ANKRD44: variants seen among roughly 807,000 people sequenced by gnomAD.
ANKRD44 encodes serine/threonine-protein phosphatase 6 regulatory ankyrin repeat subunit B.
In ANKRD44, 35 loss-of-function variants were observed where a neutral mutation model predicts 116.0. The ratio of observed to expected loss-of-function variants is 0.30; its 90% confidence interval spans 0.23 to 0.40. The LOEUF (loss-of-function observed/expected upper bound fraction) is 0.40, where lower values mean the gene tolerates loss of function less well. ANKRD44 is among the 10% of genes least tolerant of loss of function. The pLI is 1.00. For synonymous variants in ANKRD44, 435 were observed against 461.8 expected, an observed-to-expected ratio of 0.94 and a Z score of 0.74; for missense variants, 1,014 against 1,242.6, an observed-to-expected ratio of 0.82 and a Z score of 2.77.
chr2:197,054,455 T>C (rs1295201224), intron 16 of ANKRD44, among the ~76,000 whole-genome samples: 2 of 152,144 alleles, frequency 1.3e-5, no homozygotes, highest in East Asian at 1.9e-4. Flanking sequence ...GATGTCACAA[T>C]TGAAAGGAAA....
intron 21 of ANKRD44, among the ~76,000 whole-genome samples, chr2:196,969,056 A>G (rs1425672079): frequency 6.6e-6 from 1 of 152,200 alleles, no homozygotes; most frequent in Non-Finnish European, 1.5e-5. Context: ...TGAATCATTC[A>G]GGCACTGTGT....
intron 21 of ANKRD44, among the ~76,000 whole-genome samples, chr2:196,973,133 T>C (rs1235455566): frequency 6.6e-6 from 1 of 152,206 alleles, no homozygotes; most frequent in African/African-American, 2.4e-5. Context: ...CTGTTTTCAA[T>C]ATTTTGGGTG....
At chr2:197,109,462 G>C (rs1018858490) in intron 9 of ANKRD44, among the ~76,000 whole-genome samples, 5 of 152,198 alleles carry the variant, frequency 3.3e-5, no homozygotes. Context: ...AGCTTCACTG[G>C]AATGCATATA....
At chr2:197,172,513 A>T (rs1026750544) in intron 2 of ANKRD44, among the ~76,000 whole-genome samples, 3 of 152,142 alleles carry the variant, frequency 2.0e-5, no homozygotes, top group Admixed American at 6.5e-5. Flanking sequence ...TTCCTCTGTG[A>T]TCTTGGCTTA....
chr2:196,992,720 G>C (rs2075943879), intron 27 of ANKRD44: 1 of 152,570 alleles, frequency 6.6e-6, no homozygotes, highest in Non-Finnish European at 1.5e-5. Context: ...ACATGGGGCT[G>C]CAAAATCAAA....
intron 11 of ANKRD44, among the ~76,000 whole-genome samples, chr2:197,089,631 G>A (rs1394565237): frequency 3.3e-5 from 5 of 152,142 alleles, no homozygotes; most frequent in African/African-American, 1.2e-4. Context: ...AAACCTCAAA[G>A]ACTTTTCCTT....
chr2:197,286,749 C>A (rs990643836), intron 1 of ANKRD44, among the ~76,000 whole-genome samples: 2 of 151,650 alleles, frequency 1.3e-5, no homozygotes, highest in African/African-American at 4.9e-5. Flanking sequence ...TTCAAACTGT[C>A]GAAAAATATG....
At chr2:197,246,197 A>ATTTTATTTG (rs2082187150) in intron 1 of ANKRD44, among the ~76,000 whole-genome samples, 1 of 151,544 alleles carries the variant, frequency 6.6e-6, no homozygotes, top group Non-Finnish European at 1.5e-5. Flanking sequence ...TATTTTATTT[A>ATTTTATTTG]TTTATTTAGA....
intron 1 of ANKRD44, chr2:197,263,281 C>G (rs892950498): frequency 3.2e-6 from 2 of 618,976 alleles, no homozygotes. Context: ...TCCCTGGCCG[C>G]AGCTTGGAAA....
chr2:197,236,803 G>C (rs945132275), intron 1 of ANKRD44, among the ~76,000 whole-genome samples: 5 of 151,966 alleles, frequency 3.3e-5, no homozygotes, highest in African/African-American at 1.2e-4. Flanking sequence ...GAGAATCCCC[G>C]TGCCACTTCA....
chr2:196,970,269 C>T (rs2125857945), intron 21 of ANKRD44, among the ~76,000 whole-genome samples: 1 of 152,270 alleles, frequency 6.6e-6, no homozygotes, highest in South Asian at 2.1e-4. Flanking sequence ...ATGCTGAGTT[C>T]ACTGTTTCAG....
rs1260848539 is a variant in ANKRD44 at position 197,206,634 on chromosome 2, G to A, written c.28-19528C>T. The stretch of plus-strand genomic sequence containing the variant: ...GGAGGCAGAGGTAGGAGAATGGCTT[G>A]AACCTGGGAGGCAGAGATTGCAGTG... On this transcript the variant is annotated intron_variant, in intron 1 of 27. Coordinates refer to ENST00000282272, the MANE Select transcript of ANKRD44 (RefSeq NM_001195144.2). 2.6e-5 allele frequency among the ~76,000 whole-genome samples: 4 copies of A among 152,282 alleles called. No individual in the cohort carries two copies. The South Asian group carries it at 8.3e-4, about 32-fold the overall frequency.
At chr2:197,038,521 G>A (rs1467122591) in intron 16 of ANKRD44, among the ~76,000 whole-genome samples, 1 of 152,230 alleles carries the variant, frequency 6.6e-6, no homozygotes, top group African/African-American at 2.4e-5. Flanking sequence ...ATCATGAGGT[G>A]ACCCTTGGGT....
At chr2:197,101,046 G>T (rs2078281499) in intron 9 of ANKRD44, among the ~76,000 whole-genome samples, 1 of 152,032 alleles carries the variant, frequency 6.6e-6, no homozygotes, top group Non-Finnish European at 1.5e-5. Flanking sequence ...TTTTACCCAA[G>T]AAATTTAACA....
chr2:197,088,296 G>C (rs1400783671), intron 12 of ANKRD44, among the ~76,000 whole-genome samples: 2 of 152,008 alleles, frequency 1.3e-5, no homozygotes, highest in Admixed American at 1.3e-4. Flanking sequence ...TTTGAAACAA[G>C]GACAAAAATG....
intron 1 of ANKRD44, chr2:197,302,486 A>G (rs1168285115): frequency 6.6e-6 from 1 of 152,260 alleles, no homozygotes; most frequent in Non-Finnish European, 1.5e-5. Context: ...AATGATTTAA[A>G]GAAATATGAA....
Position 197,158,281 on chromosome 2 carries a change from T to C in ANKRD44, c.112-11176A>G, listed in dbSNP as rs538144476. Reference sequence around the variant, plus strand: ...ATATTAAGAAGGAGTGTCTTTAAACTTAACGCATTTGTTGAAAAGTTTTCC... The same window carrying C: ...ATATTAAGAAGGAGTGTCTTTAAACCTAACGCATTTGTTGAAAAGTTTTCC... On this transcript the variant is annotated intron_variant, in intron 2 of 27. Transcript: ENST00000282272. Among the ~76,000 whole-genome samples, 8 of 152,318 alleles carry C rather than the reference T, an allele frequency of 5.3e-5. No homozygotes were observed. The East Asian group carries it at 1.5e-3, about 29-fold the overall frequency.
chr2:197,287,241 T>C (rs1331287924), intron 1 of ANKRD44, among the ~76,000 whole-genome samples: 1 of 152,142 alleles, frequency 6.6e-6, no homozygotes, highest in African/African-American at 2.4e-5. Flanking sequence ...AACATAAAAT[T>C]GCCCTAAAAA....
intron 1 of ANKRD44, among the ~76,000 whole-genome samples, chr2:197,223,307 C>T (rs1303038932): frequency 1.3e-5 from 2 of 152,132 alleles, no homozygotes; most frequent in East Asian, 3.8e-4. Flanking sequence ...AGTTATCAAT[C>T]CCATGTAGGT....
Sources: allele counts gnomAD v4.1 joint callset (sites outside exome capture counted in the v4.1 genomes callset), GRCh38; gene constraint gnomAD v4.1.1; transcripts MANE v1.5; gene names NCBI Gene and HGNC (gene_info 2026-07-23, HGNC 2026-07-21).